Variants in TEX36 observed in about 807,000 individuals in gnomAD.
TEX36 encodes the protein testis-expressed protein 36.
TEX36 carries 12 observed loss-of-function variants against 13.6 expected under a neutral mutation model. The observed-to-expected ratio is 0.88, with a 90% CI of 0.56 to 1.43. The LOEUF (loss-of-function observed/expected upper bound fraction) is 1.43, where lower values mean the gene tolerates loss of function less well. TEX36 is among the 40% of genes most tolerant of loss of function. TEX36 has a pLI of 0.00. For synonymous variants in TEX36, 93 were observed against 83.0 expected, an observed-to-expected ratio of 1.12 and a Z score of -0.65; for missense variants, 224 against 228.3, an observed-to-expected ratio of 0.98 and a Z score of 0.12.
chr10:125,635,842 T>G (rs1019685211), intron 3 of TEX36, among the ~76,000 whole-genome samples: 5 of 151,990 alleles, frequency 3.3e-5, no homozygotes, highest in African/African-American at 1.2e-4. Context: ...ACTTCTCTGC[T>G]TGGTGATTGG....
chr10:125,661,785 C>A (rs991439195), intron 2 of TEX36, 61 bp downstream of exon 2: 16 of 1,531,286 alleles, frequency 1.0e-5, no homozygotes, highest in Non-Finnish European at 1.4e-5. Context: ...AACGTGCCAG[C>A]GGCGCTGCCC....
chr10:125,619,282 G>A (rs77762403), downstream of TEX36, among the ~76,000 whole-genome samples: 572 of 152,172 alleles, frequency 3.8e-3, 4 homozygotes, highest in African/African-American at 0.012. Context: ...AAGCAATGGC[G>A]GGAAAGAACA....
At chr10:125,641,415 A>G (rs1407080328) in intron 3 of TEX36, among the ~76,000 whole-genome samples, 1 of 152,250 alleles carries the variant, frequency 6.6e-6, no homozygotes, top group Non-Finnish European at 1.5e-5. Flanking sequence ...GAGGGCCTTT[A>G]CATCTGATTT....
intron 1 of TEX36, among the ~76,000 whole-genome samples, chr10:125,674,583 G>A (rs1589789570): frequency 6.6e-6 from 1 of 152,210 alleles, no homozygotes; most frequent in East Asian, 1.9e-4. Flanking sequence ...CTTTGAGGCT[G>A]CTGACCTTTG....
intron 3 of TEX36, among the ~76,000 whole-genome samples, chr10:125,609,628 T>C (rs1270952593): frequency 1.3e-5 from 2 of 152,222 alleles, no homozygotes; most frequent in Non-Finnish European, 2.9e-5. Context: ...CCAGGAACCC[T>C]GTGAGCTGTG....
At chr10:125,584,977 C>T (rs1845926243) in intron 3 of TEX36, among the ~76,000 whole-genome samples, 1 of 152,188 alleles carries the variant, frequency 6.6e-6, no homozygotes, top group African/African-American at 2.4e-5. Context: ...TAAACAATAG[C>T]TCAGATGAAT....
intron 1 of TEX36, chr10:125,667,607 G>A (rs1356651774): frequency 4.1e-6 from 3 of 729,778 alleles, no homozygotes; most frequent in Admixed American, 3.6e-5. Flanking sequence ...CCCTGCAAGG[G>A]AGACCACGCC....
chr10:125,600,250 G>A (rs532094494), intron 3 of TEX36, among the ~76,000 whole-genome samples: 29 of 152,200 alleles, frequency 1.9e-4, no homozygotes, highest in Non-Finnish European at 3.1e-4. Flanking sequence ...TGGCTGCGGG[G>A]ATGAATCACA....
At chr10:125,669,885 T>C (rs759897427) in intron 1 of TEX36, among the ~76,000 whole-genome samples, 3 of 152,258 alleles carry the variant, frequency 2.0e-5, no homozygotes, top group Non-Finnish European at 2.9e-5. Flanking sequence ...TTGCTGAAGA[T>C]AATGGCCTCC....
intron 1 of TEX36, among the ~76,000 whole-genome samples, chr10:125,675,765 G>T (rs1387720578): frequency 1.3e-5 from 2 of 152,110 alleles, no homozygotes; most frequent in East Asian, 1.9e-4. Flanking sequence ...GCCAGTGCAG[G>T]ATTCACTCAC....
At chr10:125,613,565 A>T (rs1462775709) in intron 3 of TEX36, among the ~76,000 whole-genome samples, 1 of 151,312 alleles carries the variant, frequency 6.6e-6, no homozygotes, top group Non-Finnish European at 1.5e-5. Context: ...TTTACTGAGA[A>T]TGATGATTTC....
chr10:125,680,805 T>C (rs1369444736), intron 1 of TEX36, among the ~76,000 whole-genome samples: 1 of 152,250 alleles, frequency 6.6e-6, no homozygotes, highest in Non-Finnish European at 1.5e-5. Flanking sequence ...CAAGCCAAGC[T>C]TTGGGGAACA....
At position 125,608,902 on chromosome 10, in the gene TEX36, A is replaced by T. The variant is rs1193843031; in HGVS notation, c.265-32028T>A. ...GTAATCCCAGCACTTTGGGAGGCCG[A>T]GGAAGGCGGATCACTTGAGGCCAGG... On this transcript the variant is annotated intron_variant, in intron 3 of 3. Coordinates refer to the TEX36 transcript ENST00000532135. Among the ~76,000 whole-genome samples the T allele has an allele frequency of 1.4e-4, 21 of 148,156 alleles. No homozygotes were observed. The Admixed American group carries it at 1.4e-3, about 10-fold the overall frequency.
chr10:125,667,463 G>T, intron 1 of TEX36: 1 of 712,592 alleles, frequency 1.4e-6, no homozygotes, highest in Non-Finnish European at 2.7e-6. Flanking sequence ...TTCCATGACG[G>T]CAAGGGCTGA....
chr10:125,627,526 G>T (rs1044901567), intron 3 of TEX36, among the ~76,000 whole-genome samples: 13 of 152,040 alleles, frequency 8.6e-5, no homozygotes, highest in African/African-American at 1.9e-4. Context: ...AATTTAAAAC[G>T]TCATTTTCTA....
chr10:125,682,856 T>C (rs1847417787), intron 1 of TEX36, 83 bp downstream of exon 1: 1 of 1,415,270 alleles, frequency 7.1e-7, no homozygotes, highest in Non-Finnish European at 9.8e-7. Context: ...TCAGTAATAG[T>C]AGAAGCAGGA....
chr10:125,588,961 A>G (rs1313064441), intron 3 of TEX36, among the ~76,000 whole-genome samples: 2 of 152,110 alleles, frequency 1.3e-5, no homozygotes, highest in Non-Finnish European at 2.9e-5. Flanking sequence ...CCTCATCACC[A>G]ATGGCTGGCA....
At chr10:125,630,247 G>A (rs1045523671) in intron 3 of TEX36, among the ~76,000 whole-genome samples, 2 of 152,178 alleles carry the variant, frequency 1.3e-5, no homozygotes, top group Admixed American at 6.5e-5. Flanking sequence ...ACTTCATGGT[G>A]TAAAATGTCC....
chr10:125,591,063 G>T (rs1464049453), intron 3 of TEX36, among the ~76,000 whole-genome samples: 2 of 152,184 alleles, frequency 1.3e-5, no homozygotes, highest in African/African-American at 4.8e-5. Flanking sequence ...CCAGTGATGA[G>T]GGTGGATCTG....
Sources: gnomAD v4.1 joint callset for allele counts (sites outside exome capture counted in the v4.1 genomes callset) on GRCh38, gnomAD v4.1.1 for gene constraint, MANE v1.5 for transcripts, NCBI Gene and HGNC (gene_info 2026-07-23, HGNC 2026-07-21) for gene names.